The following NRG1 variants were observed in gnomAD, a reference collection of about 807,000 sequenced individuals.
NRG1 encodes the protein neuregulin 1.
NRG1 carries 18 observed loss-of-function variants against 63.8 expected under a neutral mutation model. The ratio of observed to expected loss-of-function variants is 0.28; its 90% CI spans 0.19 to 0.42. NRG1 has a LOEUF of 0.42. NRG1 is among the 10% of genes least tolerant of loss of function. The probability of loss-of-function intolerance (pLI) is 1.00; values close to 1 mark genes in which losing one functional copy is unlikely to be tolerated. For missense variants in NRG1, 762 were observed against 814.7 expected, an observed-to-expected ratio of 0.94 and a Z score of 0.79; for synonymous variants, 302 against 301.3, an observed-to-expected ratio of 1.00 and a Z score of -0.02.
At chr8:31,864,519 C>G (rs1017174584) in intron 1 of NRG1, among the ~76,000 whole-genome samples, 15 of 152,014 alleles carry the variant, frequency 9.9e-5, no homozygotes, top group African/African-American at 3.6e-4. Flanking sequence ...CAGGCCCAGG[C>G]CAGTGGGTTT....
At chr8:32,217,310 G>T (rs912063003) in intron 1 of NRG1, among the ~76,000 whole-genome samples, 4 of 151,668 alleles carry the variant, frequency 2.6e-5, no homozygotes, top group Non-Finnish European at 5.9e-5. Flanking sequence ...TAAGAAAAGG[G>T]AGAGGTAAAA....
chr8:32,657,152 A>C (rs1388533072), intron 5 of NRG1, among the ~76,000 whole-genome samples: 1 of 151,858 alleles, frequency 6.6e-6, no homozygotes, highest in Non-Finnish European at 1.5e-5. Flanking sequence ...GCAACACTGA[A>C]GACAATGATA....
chr8:31,990,412 C>A (rs1191662501), intron 1 of NRG1, among the ~76,000 whole-genome samples: 1 of 151,934 alleles, frequency 6.6e-6, no homozygotes, highest in Non-Finnish European at 1.5e-5. Context: ...TAGAAATGCC[C>A]AGACAAGACA....
At chr8:32,457,724 G>A (rs888043371) in intron 1 of NRG1, among the ~76,000 whole-genome samples, 2 of 152,114 alleles carry the variant, frequency 1.3e-5, no homozygotes, top group African/African-American at 2.4e-5. Flanking sequence ...AATTTCAAGA[G>A]GACTTTTTTG....
intron 1 of NRG1, among the ~76,000 whole-genome samples, chr8:31,669,809 C>CT (rs1563275185): frequency 6.6e-6 from 1 of 152,074 alleles, no homozygotes; most frequent in Non-Finnish European, 1.5e-5. Flanking sequence ...CTGGGAGGGC[C>CT]TTTTTTCCCT....
chr8:32,217,595 A>T (rs1414850282), intron 1 of NRG1, among the ~76,000 whole-genome samples: 10 of 152,206 alleles, frequency 6.6e-5, no homozygotes, highest in African/African-American at 2.4e-4. Flanking sequence ...ACAAATAAAT[A>T]AAAAAGCTTA....
chr8:32,584,798 T>A (rs1015238361), intron 1 of NRG1, among the ~76,000 whole-genome samples: 5 of 152,234 alleles, frequency 3.3e-5, no homozygotes, highest in Non-Finnish European at 7.3e-5. Flanking sequence ...TGTTCTTAGA[T>A]CATGAATCAG....
intron 1 of NRG1, among the ~76,000 whole-genome samples, chr8:32,296,377 G>C (rs1310282335): frequency 6.6e-6 from 1 of 152,050 alleles, no homozygotes; most frequent in Non-Finnish European, 1.5e-5. Context: ...ATCACCTGAG[G>C]TCAGGAGTTC....
chr8:32,098,683 T>G (rs1348847372), intron 1 of NRG1: 1 of 152,184 alleles, frequency 6.6e-6, no homozygotes, highest in Non-Finnish European at 1.5e-5. Context: ...CTTCCAAGCC[T>G]TTCACCAGTG....
intron 1 of NRG1, among the ~76,000 whole-genome samples, chr8:32,348,052 A>G (rs1415539943): frequency 6.6e-6 from 1 of 152,196 alleles, no homozygotes; most frequent in Non-Finnish European, 1.5e-5. Flanking sequence ...AGTGTCCAAG[A>G]TGCCACATGG....
At chr8:32,409,913 T>C (rs1403822484) in intron 1 of NRG1, among the ~76,000 whole-genome samples, 1 of 152,134 alleles carries the variant, frequency 6.6e-6, no homozygotes, top group Non-Finnish European at 1.5e-5. Flanking sequence ...CGAGAGAATC[T>C]CTTCAATGCA....
In NRG1 at chr8:31,731,420, A is replaced by ACACACT. The variant is rs1358062314; in HGVS notation, c.37+91994_37+91995insTCACAC. Among the ~76,000 whole-genome samples, 8 of 107,582 alleles carry ACACACT rather than the reference A, an allele frequency of 7.4e-5. No individual in the cohort carries two copies. The East Asian group carries it at 1.2e-3, about 16-fold the overall frequency. The allele number at this position is 107,582 out of a possible 152,430, so 70.6% of individuals were successfully genotyped here. On this transcript the variant is annotated intron_variant, in intron 1 of 10. Coordinates refer to the NRG1 transcript ENST00000519301. The stretch of plus-strand genomic sequence containing the variant: ...AGTAGGATACAAAATTATGTCATAC[A>ACACACT]CACACACACACACACACACACACAC...
intron 1 of NRG1, among the ~76,000 whole-genome samples, chr8:31,663,466 G>T (rs1445627050): frequency 6.6e-6 from 1 of 152,026 alleles, no homozygotes; most frequent in Non-Finnish European, 1.5e-5. Flanking sequence ...TTCTTTTTTG[G>T]GAGCCCATTA....
intron 1 of NRG1, among the ~76,000 whole-genome samples, chr8:32,301,972 G>A (rs11779728): frequency 1.3e-5 from 2 of 152,194 alleles, no homozygotes; most frequent in East Asian, 1.9e-4. Flanking sequence ...ATGCTGACTG[G>A]GGGGAGTGAA....
chr8:31,911,906 A>G (rs547406573), intron 1 of NRG1, among the ~76,000 whole-genome samples: 1 of 152,320 alleles, frequency 6.6e-6, no homozygotes, highest in East Asian at 1.9e-4. Flanking sequence ...TTTTCTAGTT[A>G]AAGAGAAAGA....
chr8:32,229,095 C>A (rs1294027518), intron 1 of NRG1, among the ~76,000 whole-genome samples: 1 of 152,088 alleles, frequency 6.6e-6, no homozygotes, highest in African/African-American at 2.4e-5. Flanking sequence ...GGAAACGTCG[C>A]AGTACACCTT....
At chr8:32,323,664 T>C (rs1220184207) in intron 1 of NRG1, among the ~76,000 whole-genome samples, 1 of 152,272 alleles carries the variant, frequency 6.6e-6, no homozygotes, top group Non-Finnish European at 1.5e-5. Context: ...TAAGCCATTT[T>C]TTCCTTACTT....
chr8:31,760,671 CATTT>C (rs1327549105), intron 1 of NRG1, among the ~76,000 whole-genome samples: 29 of 152,160 alleles, frequency 1.9e-4, no homozygotes, highest in African/African-American at 7.0e-4. Context: ...CAAAAGAAGA[CATTT>C]ATGCAGCCAA....
At chr8:31,906,800 AAAAAT>A (rs1221665691) in intron 1 of NRG1, among the ~76,000 whole-genome samples, 3 of 152,168 alleles carry the variant, frequency 2.0e-5, no homozygotes, top group African/African-American at 7.2e-5. Context: ...TTTCTGCTGC[AAAAAT>A]AAAATAAAAT....
Sources: allele counts gnomAD v4.1 joint callset (sites outside exome capture counted in the v4.1 genomes callset), GRCh38; gene constraint gnomAD v4.1.1; transcripts MANE v1.5; gene names NCBI Gene and HGNC (gene_info 2026-07-23, HGNC 2026-07-21).